SGSM2: variants seen among roughly 807,000 people sequenced by gnomAD.
SGSM2 encodes RUN and TBC1 domain containing 1.
A neutral mutation model predicts 126.6 loss-of-function variants in SGSM2; 89 were observed. That is an observed-to-expected ratio of 0.70 (90% CI 0.59 to 0.84). SGSM2 has a LOEUF of 0.84. Among genes scored for constraint, SGSM2 ranks in the 40% least tolerant of loss-of-function variants. The pLI, the probability that SGSM2 is intolerant of heterozygous loss-of-function variation, is 0.00. For missense variants in SGSM2, 1,404 were observed against 1,416.6 expected (o/e 0.99, Z 0.14); for synonymous variants, 614 against 574.3 (o/e 1.07, Z -0.99).
chr17:2,358,938 C>T (rs1217953291), intron 2 of SGSM2, among the ~76,000 whole-genome samples: 2 of 142,912 alleles, frequency 1.4e-5, no homozygotes, highest in East Asian at 2.1e-4. Flanking sequence ...AGTGCAGTGG[C>T]GCCATCTCGG....
rs780009208 is a variant in SGSM2, at chr17:2,379,458, G to A, written c.3094G>A (p.Glu1032Lys). The A allele has an allele frequency of 1.9e-6, 3 of 1,613,632 alleles. No individual in the cohort carries two copies. Among genetic ancestry groups the A allele is most frequent in the African/African-American group, 1.3e-5 (1 of 75,046 alleles). The change falls in exon 24 of 24, where the codon GAG (glutamate) becomes AAG (lysine). Residue 1032 changes from glutamate (E) to lysine (K), a missense_variant. Transcript: ENST00000268989. Reference protein sequence around the residue: ...NERAEHHDAQEILRIARDLVH... With the variant: ...NERAEHHDAQKILRIARDLVH... ...ACGTGCTGAGCATCACGATGCCCAG[G>A]AGATCCTGCGGATTGCCCGGGACCT...
rs1158344962 is a variant in SGSM2, at chr17:2,362,401, T to TC, written c.458+137dup. The TC allele has an allele frequency of 4.0e-6, 4 of 994,924 alleles. No individual in the cohort carries two copies. Among genetic ancestry groups the TC allele is most frequent in the Non-Finnish European group, 5.5e-6 (4 of 727,448 alleles). 61.6% of individuals were successfully genotyped at this position (994,924 alleles called of 1,614,324 possible). A position where few individuals can be genotyped will look rare whatever the true frequency, so the allele number is the denominator to read the frequency against. On this transcript the variant is annotated intron_variant, in intron 4 of 23. Transcript: ENST00000268989. This position sits in a 1 kb window ranked among gnomAD's most constrained non-coding sequence, Gnocchi z 4.9. ...CAAAAACTGCAGGTGACCGCCCCGT[T>TC]CCCCCCAAAACTGCAGGTGACCGCC...
At chr17:2,340,287 C>T (rs4790075) in intron 1 of SGSM2, among the ~76,000 whole-genome samples, 114,236 of 151,802 alleles carry the variant, frequency 0.75, 43,048 homozygotes, top group East Asian at 0.83. Flanking sequence ...GCTAATTTTT[C>T]GTATTTTAGT....
chr17:2,367,241 C>A lies in SGSM2; in HGVS notation c.1289-30C>A. 6.2e-7 allele frequency: 1 copy of A among 1,601,002 alleles called. No individual in the cohort carries two copies. The highest frequency in any genetic ancestry group is 1.1e-5 in the South Asian group (1 of 88,918). Reference sequence around the variant, plus strand: ...CCTGCCCAGGGATGAGGGCCTCATGCCTCTGCCTCTCGCTGTTCTCTTTGA... The same window carrying A: ...CCTGCCCAGGGATGAGGGCCTCATGACTCTGCCTCTCGCTGTTCTCTTTGA... On this transcript the variant is annotated intron_variant, in intron 11 of 23. Transcript: ENST00000268989. This position sits in a 1 kb window ranked among gnomAD's most constrained non-coding sequence, Gnocchi z 4.0.
rs183255923 is a variant in SGSM2, at chr17:2,338,356, C to T, written c.57+611C>T. Among the ~76,000 whole-genome samples, 1,143 of 138,580 alleles carry T rather than the reference C, an allele frequency of 8.2e-3. 7 individuals are homozygous for T. The highest frequency in any genetic ancestry group is 0.024 in the Middle Eastern group (7 of 288). 90.9% of individuals were successfully genotyped at this position (138,580 alleles called of 152,430 possible). A position where few individuals can be genotyped will look rare whatever the true frequency, so the allele number is the denominator to read the frequency against. ...GGAAGTTTTTCCCTTTTGAGGGAAG[C>T]CCCCCTACTTCAGAAAGAGAAGTAG... is the stretch of plus-strand genomic sequence containing the variant. On this transcript the variant is annotated intron_variant, in intron 1 of 23. Transcript: ENST00000268989.
intron 13 of SGSM2, 195 bp from the exon 14 acceptor site, chr17:2,371,995 G>A (rs1351910328): frequency 4.9e-6 from 3 of 606,262 alleles, no homozygotes; most frequent in South Asian, 2.0e-5. Flanking sequence ...GGGGCCAGGC[G>A]GGGGCCCCAC....
At chr17:2,345,959 G>A (rs931494994) in intron 2 of SGSM2, among the ~76,000 whole-genome samples, 1 of 152,130 alleles carries the variant, frequency 6.6e-6, no homozygotes, top group African/African-American at 2.4e-5. Context: ...GTGGAATCAC[G>A]AGAGACTCTT....
At chr17:2,366,124 G>A (rs895368356) in intron 11 of SGSM2, among the ~76,000 whole-genome samples, 6 of 152,316 alleles carry the variant, frequency 3.9e-5, no homozygotes, top group South Asian at 2.1e-4. Context: ...ACTGATGAGC[G>A]TTAGCTGAAG....
chr17:2,338,480 T>G (rs2064189675), intron 1 of SGSM2, among the ~76,000 whole-genome samples: 1 of 152,102 alleles, frequency 6.6e-6, no homozygotes, highest in Non-Finnish European at 1.5e-5. Flanking sequence ...CACTCCCATA[T>G]GAGAGCTGGA....
intron 1 of SGSM2, among the ~76,000 whole-genome samples, chr17:2,338,816 T>C (rs1044697539): frequency 6.9e-6 from 1 of 144,792 alleles, no homozygotes; most frequent in Non-Finnish European, 1.5e-5. Context: ...CCCAGCACGT[T>C]GGGAGGCCTA....
At position 2,352,410 on chromosome 17, in the gene SGSM2, C is replaced by T. The variant is rs560075006; in HGVS notation, c.133+8790C>T. ...GGCAGCGGTGGCTGAACTCCCCTGT[C>T]GTGCAGATGGCAGCTGGTAGCAAAA... On this transcript the variant is annotated intron_variant, in intron 2 of 23. Transcript: ENST00000268989. Among the ~76,000 whole-genome samples the T allele has an allele frequency of 1.3e-4, 20 of 152,330 alleles. No homozygotes were observed. The East Asian group carries it at 3.3e-3, about 25-fold the overall frequency.
At position 2,363,938 on chromosome 17, in the gene SGSM2, A is replaced by C; in HGVS notation, c.808-121A>C. ...TGTGCTTCTGCCCCGTCCCTAGTCC[A>C]GGACCCCGTGACTAGCCTAGCTTGG... On this transcript the variant is annotated intron_variant, in intron 7 of 23. Transcript: ENST00000268989. The surrounding 1 kb of genome is among the most constrained non-coding windows in gnomAD (Gnocchi z 4.2). 1.1e-5 allele frequency: 13 copies of C among 1,237,494 alleles called. No homozygotes were observed. The highest frequency in any genetic ancestry group is 1.4e-5 in the Non-Finnish European group (12 of 862,162). The allele number at this position is 1,237,494 out of a possible 1,614,324, so 76.7% of individuals were successfully genotyped here.
At chr17:2,375,969 C>T (rs1370891354) in intron 18 of SGSM2, 94 bp downstream of exon 18, 13 of 1,505,426 alleles carry the variant, frequency 8.6e-6, no homozygotes, top group East Asian at 6.8e-5. Flanking sequence ...GAAGGCGGGG[C>T]GCCCTGACTG....
rs536153979 is a variant in SGSM2, at chr17:2,367,032, T to G, written c.1289-239T>G. 1.9e-6 allele frequency: 1 copy of G among 513,160 alleles called. No homozygotes were observed. Among genetic ancestry groups the G allele is most frequent in the African/African-American group, 1.9e-5 (1 of 52,478 alleles). The allele number at this position is 513,160 out of a possible 1,614,324, so 31.8% of individuals were successfully genotyped here. A position where few individuals can be genotyped will look rare whatever the true frequency, so the allele number is the denominator to read the frequency against. Reference sequence around the variant, plus strand: ...CACCTCTGTTCTCTCTCTTCTGTTCTTCCTAGAGAGGCTGCCTCCGAAGAG... The same window carrying G: ...CACCTCTGTTCTCTCTCTTCTGTTCGTCCTAGAGAGGCTGCCTCCGAAGAG... On this transcript the variant is annotated intron_variant, in intron 11 of 23. Transcript: ENST00000268989. This position sits in a 1 kb window ranked among gnomAD's most constrained non-coding sequence, Gnocchi z 4.0.
chr17:2,373,609 G>C, intron 17 of SGSM2, 96 bp downstream of exon 17: 3 of 1,187,640 alleles, frequency 2.5e-6, no homozygotes, highest in Non-Finnish European at 3.5e-6. Flanking sequence ...CTGGGAACTG[G>C]TGGGGCCCTG....
chr17:2,350,064 G>A (rs1041475890), intron 2 of SGSM2, among the ~76,000 whole-genome samples: 62 of 151,990 alleles, frequency 4.1e-4, no homozygotes, highest in African/African-American at 1.5e-3. Context: ...TGGGATTACA[G>A]GCGTAAGCCA....
At position 2,337,860 on chromosome 17, in the gene SGSM2, C is replaced by G; in HGVS notation, c.57+115C>G. The stretch of plus-strand genomic sequence containing the variant: ...GCACCCGGGCCGAACCTGGGCCGGG[C>G]GGGGCGGGTCCTGGACGGGCTGCGC... On this transcript the variant is annotated intron_variant, in intron 1 of 23. Coordinates refer to ENST00000268989, the MANE Select transcript of SGSM2 (RefSeq NM_014853.3). The surrounding 1 kb of genome is among the most constrained non-coding windows in gnomAD (Gnocchi z 5.1). The G allele has an allele frequency of 3.3e-6, 2 of 607,740 alleles. No individual in the cohort carries two copies. 37.6% of individuals were successfully genotyped at this position (607,740 alleles called of 1,614,324 possible).
At chr17:2,349,369 G>T (rs1015937982) in intron 2 of SGSM2, among the ~76,000 whole-genome samples, 2 of 95,968 alleles carry the variant, frequency 2.1e-5, no homozygotes, top group African/African-American at 8.4e-5. Context: ...AGCGAGACTT[G>T]GTCTAAAAAA....
chr17:2,345,848 G>A (rs1233138771), intron 2 of SGSM2, among the ~76,000 whole-genome samples: 1 of 152,082 alleles, frequency 6.6e-6, no homozygotes, highest in Non-Finnish European at 1.5e-5. Flanking sequence ...GGTGCTCAGT[G>A]GTGAGCTAAA....
Sources: gnomAD v4.1 joint callset for allele counts (sites outside exome capture counted in the v4.1 genomes callset) on GRCh38, gnomAD v4.1.1 for gene constraint, Gnocchi (gnomAD v3.1) non-coding constraint, MANE v1.5 for transcripts, NCBI Gene and HGNC (gene_info 2026-07-23, HGNC 2026-07-21) for gene names.